Variants in SOX5 observed in about 807,000 individuals in gnomAD.
The protein encoded by SOX5 is SRY-box transcription factor 5, also known as transcription factor SOX-5.
A neutral mutation model predicts 92.0 loss-of-function variants in SOX5; 9 were observed. That is an observed-to-expected ratio of 0.10 (90% CI 0.06 to 0.17). The LOEUF (loss-of-function observed/expected upper bound fraction) is 0.17. SOX5 is among the 10% of genes least tolerant of loss of function. The pLI is 1.00. For synonymous variants in SOX5, 344 were observed against 336.3 expected, an observed-to-expected ratio of 1.02 and a Z score of -0.25; for missense variants, 642 against 944.5, an observed-to-expected ratio of 0.68 and a Z score of 4.20.
At chr12:24,257,459 T>C (rs1383028813) in intron 3 of SOX5, among the ~76,000 whole-genome samples, 1 of 98,228 alleles carries the variant, frequency 1.0e-5, no homozygotes, top group Admixed American at 1.1e-4. Context: ...CTAGGGGTCT[T>C]TTTGTTTGTT....
chr12:23,729,225 T>TGCAATA (rs1385563662), intron 6 of SOX5, among the ~76,000 whole-genome samples: 1 of 152,136 alleles, frequency 6.6e-6, no homozygotes, highest in African/African-American at 2.4e-5. Context: ...GTATTATATT[T>TGCAATA]CCTTTTTTAT....
rs569286450 is a variant in SOX5, at chr12:24,382,030, T to C, written c.-250-13391A>G. On this transcript the variant is annotated intron_variant, in intron 1 of 4. Coordinates refer to the SOX5 transcript ENST00000446891. Reference sequence around the variant, plus strand: ...TTGTTCCATTTGCGAGGAACTATCCTGGGCTCTAGAGATAGACCAGTAAAC... The same window carrying C: ...TTGTTCCATTTGCGAGGAACTATCCCGGGCTCTAGAGATAGACCAGTAAAC... Among the ~76,000 whole-genome samples the C allele has an allele frequency of 4.5e-4, 68 of 152,344 alleles. 1 individual carries two copies. The highest frequency in any genetic ancestry group is 1.6e-3 in the African/African-American group (65 of 41,578).
chr12:23,635,017 C>T (rs2079040443), intron 8 of SOX5, among the ~76,000 whole-genome samples: 1 of 152,148 alleles, frequency 6.6e-6, no homozygotes, highest in Non-Finnish European at 1.5e-5. Flanking sequence ...ATTGATGCTA[C>T]AGACTTTACC....
At chr12:24,445,279 C>T (rs1596719515) in intron 1 of SOX5, among the ~76,000 whole-genome samples, 1 of 152,168 alleles carries the variant, frequency 6.6e-6, no homozygotes, top group South Asian at 2.1e-4. Flanking sequence ...ATGCACACTC[C>T]TTAACACGTT....
At chr12:23,947,003 A>G (rs1944696327) in intron 1 of SOX5, among the ~76,000 whole-genome samples, 1 of 151,972 alleles carries the variant, frequency 6.6e-6, no homozygotes, top group Non-Finnish European at 1.5e-5. Context: ...GGATGATAAT[A>G]TAGACATATA....
At chr12:23,725,659 T>C (rs924667311) in intron 6 of SOX5, among the ~76,000 whole-genome samples, 1 of 152,152 alleles carries the variant, frequency 6.6e-6, no homozygotes, top group African/African-American at 2.4e-5. Context: ...TTTTGGAATA[T>C]TATTTTCAGG....
At chr12:23,686,363 T>C (rs1048974682) in intron 6 of SOX5, among the ~76,000 whole-genome samples, 1 of 152,212 alleles carries the variant, frequency 6.6e-6, no homozygotes, top group African/African-American at 2.4e-5. Flanking sequence ...TATTTTTGTA[T>C]TGCATAAAAA....
At chr12:24,218,476 G>A (rs1459490569) in intron 3 of SOX5, among the ~76,000 whole-genome samples, 2 of 152,132 alleles carry the variant, frequency 1.3e-5, no homozygotes, top group African/African-American at 2.4e-5. Flanking sequence ...AGTTATGGGG[G>A]AACACTGGAG....
intron 3 of SOX5, among the ~76,000 whole-genome samples, chr12:23,821,334 TG>T (rs1285643683): frequency 6.6e-6 from 1 of 152,182 alleles, no homozygotes; most frequent in Non-Finnish European, 1.5e-5. Context: ...GCTGAGATGA[TG>T]GGGTTTTCTA....
At chr12:24,366,760 A>G (rs1956217501) in intron 2 of SOX5, among the ~76,000 whole-genome samples, 1 of 151,794 alleles carries the variant, frequency 6.6e-6, no homozygotes, top group Admixed American at 6.6e-5. Flanking sequence ...AGTCCCTCCT[A>G]CCTGTCTTTA....
intron 1 of SOX5, among the ~76,000 whole-genome samples, chr12:24,371,627 T>C (rs1252369514): frequency 6.6e-6 from 1 of 152,212 alleles, no homozygotes; most frequent in Non-Finnish European, 1.5e-5. Flanking sequence ...TTGCTATTCC[T>C]GAAACTGACA....
chr12:23,858,924 T>C (rs2096723969), intron 2 of SOX5, among the ~76,000 whole-genome samples: 1 of 152,224 alleles, frequency 6.6e-6, no homozygotes, highest in African/African-American at 2.4e-5. Context: ...ACATAAATTA[T>C]GAAGATTTCA....
chr12:23,901,228 G>A (rs1388498615), intron 1 of SOX5, among the ~76,000 whole-genome samples: 1 of 152,050 alleles, frequency 6.6e-6, no homozygotes, highest in African/African-American at 2.4e-5. Context: ...GGAAGATGAG[G>A]CCGTGAACCA....
intron 2 of SOX5, among the ~76,000 whole-genome samples, chr12:24,301,686 TC>T (rs1473662431): frequency 6.6e-6 from 1 of 152,212 alleles, no homozygotes; most frequent in Non-Finnish European, 1.5e-5. Flanking sequence ...CTGAAGTTAT[TC>T]TTTTTCTGTA....
intron 4 of SOX5, among the ~76,000 whole-genome samples, chr12:24,036,126 T>C (rs907182612): frequency 2.0e-5 from 3 of 152,092 alleles, no homozygotes; most frequent in Non-Finnish European, 4.4e-5. Context: ...CCAATATAAT[T>C]GGCACCACTA....
intron 4 of SOX5, among the ~76,000 whole-genome samples, chr12:23,750,614 C>T (rs531777105): frequency 4.0e-5 from 6 of 151,888 alleles, no homozygotes; most frequent in African/African-American, 1.4e-4. Context: ...ATTTTAGAAT[C>T]TTTATGCTTC....
intron 4 of SOX5, among the ~76,000 whole-genome samples, chr12:24,027,384 T>C (rs1955000121): frequency 6.6e-6 from 1 of 152,018 alleles, no homozygotes; most frequent in South Asian, 2.1e-4. Flanking sequence ...ATAATCATTC[T>C]GTCTCTCAAC....
chr12:23,945,251 G>A (rs1192182209), intron 1 of SOX5, among the ~76,000 whole-genome samples: 4 of 152,144 alleles, frequency 2.6e-5, no homozygotes, highest in African/African-American at 9.7e-5. Flanking sequence ...TGTCTCTCAT[G>A]TATGATGCGT....
At chr12:23,993,408 A>G (rs1950738696) in intron 4 of SOX5, among the ~76,000 whole-genome samples, 2 of 152,212 alleles carry the variant, frequency 1.3e-5, no homozygotes, top group African/African-American at 4.8e-5. Flanking sequence ...ACACAAATGG[A>G]TTTAGCCCCA....
Sources: gnomAD v4.1 joint callset for allele counts (sites outside exome capture counted in the v4.1 genomes callset) on GRCh38, gnomAD v4.1.1 for gene constraint, MANE v1.5 for transcripts, NCBI Gene and HGNC (gene_info 2026-07-23, HGNC 2026-07-21) for gene names.